The following ZNF782 variants were observed in gnomAD, a reference collection of about 807,000 sequenced individuals.
ZNF782 encodes the protein zinc finger protein 782.
In ZNF782, 12 loss-of-function variants were observed where a neutral mutation model predicts 13.0. The ratio of observed to expected loss-of-function variants is 0.92; its 90% CI spans 0.59 to 1.50. The LOEUF (loss-of-function observed/expected upper bound fraction) is 1.50. Ranked by LOEUF, ZNF782 falls within the 40% of genes most tolerant of loss-of-function variation. The pLI is 0.00. For synonymous variants in ZNF782, 284 were observed against 283.0 expected, an observed-to-expected ratio of 1.00 and a Z score of -0.04; for missense variants, 770 against 822.9, an observed-to-expected ratio of 0.94 and a Z score of 0.79.
chr9:96,851,876 T>G lies in ZNF782; in HGVS notation c.15+71A>C. ...ACTTATCTATTTCTCCTTTTCCATT[T>G]AATGCAAGGGCCTATCTAAACCTCA... is the stretch of plus-strand genomic sequence containing the variant. On this transcript the variant is annotated intron_variant, in intron 3 of 5. Coordinates refer to ENST00000481138, the MANE Select transcript of ZNF782 (RefSeq NM_001001662.3). The G allele has an allele frequency of 2.9e-6, 4 of 1,402,612 alleles. No individual in the cohort carries two copies. In the Admixed American group the frequency reaches 5.2e-5, roughly 18 times the overall value. 86.9% of individuals were successfully genotyped at this position (1,402,612 alleles called of 1,614,324 possible).
the ZNF782 span, among the ~76,000 whole-genome samples, chr9:96,896,281 T>C: frequency 6.6e-6 from 1 of 152,162 alleles, no homozygotes; most frequent in Non-Finnish European, 1.5e-5. Flanking sequence ...ACCTTCGTTG[T>C]CCTACCTCAG....
At chr9:96,843,425 C>G (rs1053147838) in intron 4 of ZNF782, among the ~76,000 whole-genome samples, 1 of 152,152 alleles carries the variant, frequency 6.6e-6, no homozygotes, top group East Asian at 1.9e-4. Flanking sequence ...AGTCTCAACA[C>G]GTCAAATACT....
chr9:96,913,860 A>T, the ZNF782 span, among the ~76,000 whole-genome samples: 1 of 150,124 alleles, frequency 6.7e-6, no homozygotes, highest in East Asian at 2.0e-4. Context: ...AAAAAAATGG[A>T]GCTAGTGCAA....
upstream of ZNF782, among the ~76,000 whole-genome samples, chr9:96,859,042 G>A (rs772503044): frequency 4.6e-4 from 68 of 148,048 alleles, no homozygotes; most frequent in African/African-American, 1.6e-3. Flanking sequence ...CCCACGGAGG[G>A]AACATTTACA....
At chr9:96,932,856 T>G in the ZNF782 span, among the ~76,000 whole-genome samples, 5 of 151,422 alleles carry the variant, frequency 3.3e-5, no homozygotes, top group Non-Finnish European at 7.4e-5. Context: ...TCCATGTTGG[T>G]CAGGCTGGTC....
At chr9:96,911,071 C>T in the ZNF782 span, among the ~76,000 whole-genome samples, 1 of 147,906 alleles carries the variant, frequency 6.8e-6, no homozygotes. Context: ...TCGGACCGTT[C>T]TCCGTCCTAC....
chr9:96,827,644 C>T (rs1423798413), intron 4 of ZNF782, among the ~76,000 whole-genome samples: 1 of 152,150 alleles, frequency 6.6e-6, no homozygotes, highest in African/African-American at 2.4e-5. Flanking sequence ...TCTCCTTGAA[C>T]CCCTGAACTG....
At chr9:96,837,883 C>T (rs1851050723) in intron 4 of ZNF782, among the ~76,000 whole-genome samples, 1 of 152,152 alleles carries the variant, frequency 6.6e-6, no homozygotes, top group African/African-American at 2.4e-5. Context: ...CACCATGATG[C>T]CTGGCTCATT....
At chr9:96,828,681 C>T (rs547564385) in intron 4 of ZNF782, among the ~76,000 whole-genome samples, 1 of 152,200 alleles carries the variant, frequency 6.6e-6, no homozygotes, top group Non-Finnish European at 1.5e-5. Flanking sequence ...ACAGAGTTAT[C>T]TGTGACCTGT....
At position 96,818,368 on chromosome 9, in the gene ZNF782, T is replaced by C. The variant is rs774854194; in HGVS notation, c.1655A>G (p.His552Arg). 6.2e-7 allele frequency: 1 copy of C among 1,613,996 alleles called. No homozygotes were observed. The highest frequency in any genetic ancestry group is 1.3e-5 in the African/African-American group (1 of 74,884). ...TTTTTCCCCTGTGTGAATTCTATGA[T>C]GTCCTCTGAGTTGTGATTTCTGACC... is the stretch of plus-strand genomic sequence containing the variant. ...AFGQKSQLRG[H>R]HRIHTGEKPY... Residue 552 changes from histidine to arginine, a missense_variant, in exon 6 of 6, where the codon CAT (histidine) becomes CGT (arginine). Transcript: ENST00000481138.
chr9:96,836,539 T>C (rs1851009839), intron 4 of ZNF782, among the ~76,000 whole-genome samples: 1 of 152,160 alleles, frequency 6.6e-6, no homozygotes, highest in Non-Finnish European at 1.5e-5. Context: ...GTAGCTGGAC[T>C]TTGGACTTTT....
intron 4 of ZNF782, among the ~76,000 whole-genome samples, chr9:96,833,146 A>G (rs1850861351): frequency 6.6e-6 from 1 of 152,204 alleles, no homozygotes; most frequent in Non-Finnish European, 1.5e-5. Context: ...AAAAGTTGCA[A>G]GGATGGAAAG....
chr9:96,886,703 G>A, the ZNF782 span, among the ~76,000 whole-genome samples: 1 of 151,850 alleles, frequency 6.6e-6, no homozygotes, highest in East Asian at 1.9e-4. Flanking sequence ...CAGGTGGATC[G>A]CCTGAGGTCA....
chr9:96,896,045 G>C, the ZNF782 span: 8 of 152,184 alleles, frequency 5.3e-5, no homozygotes, highest in Non-Finnish European at 8.8e-5. Flanking sequence ...AGCCTGTGAA[G>C]AAAACAGATA....
chr9:96,896,502 CACTT>C, the ZNF782 span, among the ~76,000 whole-genome samples: 2 of 152,180 alleles, frequency 1.3e-5, no homozygotes, highest in African/African-American at 4.8e-5. Flanking sequence ...AAGGGCCTTT[CACTT>C]CAGCGAAATT....
At chr9:96,904,890 A>C in the ZNF782 span, among the ~76,000 whole-genome samples, 1 of 118,336 alleles carries the variant, frequency 8.5e-6, no homozygotes, top group Non-Finnish European at 1.5e-5. Flanking sequence ...GTCAAGGTTC[A>C]TTTTTTTGCA....
chr9:96,914,108 T>A, the ZNF782 span, among the ~76,000 whole-genome samples: 9 of 151,718 alleles, frequency 5.9e-5, no homozygotes, highest in East Asian at 1.6e-3. Flanking sequence ...TTATTATTTT[T>A]TTGGGCCTTC....
the ZNF782 span, among the ~76,000 whole-genome samples, chr9:96,898,452 GATTCATCTACA>G: frequency 3.4e-5 from 5 of 148,168 alleles, 1 homozygote; most frequent in Admixed American, 3.3e-4. Context: ...ATGTTTTCTG[GATTCATCTACA>G]TTGTCAATGA....
At position 96,824,987 on chromosome 9, in the gene ZNF782, C is replaced by A. The variant is rs866870241; in HGVS notation, c.244+2093G>T. On this transcript the variant is annotated intron_variant, in intron 5 of 5. Coordinates refer to ENST00000481138, the MANE Select transcript of ZNF782 (RefSeq NM_001001662.3). ...TGAAAATGGCCATACTGCCCAAGGT[C>A]ATTTATAGATTCAATGCCATCCCCA... 3.7e-3 allele frequency among the ~76,000 whole-genome samples: 552 copies of A among 151,182 alleles called. 4 individuals are homozygous for A. The highest frequency in any genetic ancestry group is 0.013 in the African/African-American group (515 of 40,956).
Sources: gnomAD v4.1 joint callset for allele counts (sites outside exome capture counted in the v4.1 genomes callset) on GRCh38, gnomAD v4.1.1 for gene constraint, MANE v1.5 for transcripts, NCBI Gene and HGNC (gene_info 2026-07-23, HGNC 2026-07-21) for gene names.